Variants in SYN3 observed in about 807,000 individuals in gnomAD.
SYN3 encodes the protein synapsin III, also known as synapsin-3.
SYN3 carries 35 observed loss-of-function variants against 65.8 expected under a neutral mutation model. The ratio of observed to expected loss-of-function variants is 0.53; its 90% confidence interval spans 0.41 to 0.70. The LOEUF (loss-of-function observed/expected upper bound fraction) is 0.70. SYN3 is among the 30% of genes least tolerant of loss of function. The probability of loss-of-function intolerance (pLI) is 0.00; values close to 1 mark genes in which losing one functional copy is unlikely to be tolerated. For missense variants in SYN3, 680 were observed against 749.0 expected (o/e 0.91, Z 1.08); for synonymous variants, 270 against 292.9 (o/e 0.92, Z 0.80).
intron 4 of SYN3, among the ~76,000 whole-genome samples, chr22:32,899,654 C>G (rs891413314): frequency 6.6e-6 from 1 of 152,178 alleles, no homozygotes; most frequent in Non-Finnish European, 1.5e-5. Context: ...CTTGGAAACA[C>G]CACATATAAT....
intron 6 of SYN3, among the ~76,000 whole-genome samples, chr22:32,765,236 G>A (rs1249938087): frequency 2.6e-5 from 4 of 152,126 alleles, no homozygotes; most frequent in Non-Finnish European, 5.9e-5. Context: ...CTGGAATGTC[G>A]GGGTCTTCAA....
At chr22:32,527,858 T>G (rs1443530935) in intron 12 of SYN3, 60 bp downstream of exon 12, 4 of 1,413,584 alleles carry the variant, frequency 2.8e-6, no homozygotes, top group Non-Finnish European at 3.9e-6. Flanking sequence ...TGTGGATCCC[T>G]CGGTGCATTT....
At chr22:32,640,926 A>G (rs1166988431) in intron 6 of SYN3, among the ~76,000 whole-genome samples, 2 of 152,178 alleles carry the variant, frequency 1.3e-5, no homozygotes, top group Non-Finnish European at 2.9e-5. Context: ...TGATTTAGAA[A>G]CAGAGTCACA....
chr22:32,657,667 C>T (rs1163852359), intron 6 of SYN3, among the ~76,000 whole-genome samples: 1 of 152,308 alleles, frequency 6.6e-6, no homozygotes, highest in South Asian at 2.1e-4. Flanking sequence ...AGACTGTGCT[C>T]TCCGGAGCCT....
intron 6 of SYN3, among the ~76,000 whole-genome samples, chr22:32,673,816 T>A (rs1010890151): frequency 6.6e-6 from 1 of 152,146 alleles, no homozygotes; most frequent in African/African-American, 2.4e-5. Context: ...TTTCCCCAAA[T>A]GAGGTGATGC....
At chr22:32,618,331 C>T (rs1478135500) in intron 6 of SYN3, among the ~76,000 whole-genome samples, 5 of 152,024 alleles carry the variant, frequency 3.3e-5, no homozygotes, top group East Asian at 1.9e-4. Flanking sequence ...CCTCCCAGCA[C>T]GAGAGCTTCC....
intron 3 of SYN3, among the ~76,000 whole-genome samples, chr22:32,937,200 A>G (rs1429301684): frequency 6.6e-6 from 1 of 152,210 alleles, no homozygotes; most frequent in Non-Finnish European, 1.5e-5. Flanking sequence ...TGGAAGTTAA[A>G]ACAACTGTTA....
At chr22:32,735,616 G>A (rs970279178) in intron 6 of SYN3, among the ~76,000 whole-genome samples, 8 of 152,012 alleles carry the variant, frequency 5.3e-5, no homozygotes, top group African/African-American at 1.9e-4. Flanking sequence ...TATCTAGAAG[G>A]GGATCTGTCT....
chr22:32,962,414 G>A (rs1003085538), intron 3 of SYN3, among the ~76,000 whole-genome samples: 7 of 152,122 alleles, frequency 4.6e-5, no homozygotes, highest in South Asian at 2.1e-4. Context: ...GATTACAGGC[G>A]TGAGCCACTA....
chr22:32,597,509 C>T (rs370920333), intron 6 of SYN3, among the ~76,000 whole-genome samples: 28 of 152,100 alleles, frequency 1.8e-4, no homozygotes, highest in African/African-American at 6.5e-4. Flanking sequence ...AGCCACCGCG[C>T]CTGGCCCATT....
chr22:32,898,367 T>C (rs1036659718), intron 4 of SYN3, among the ~76,000 whole-genome samples: 3 of 152,152 alleles, frequency 2.0e-5, no homozygotes, highest in African/African-American at 7.2e-5. Context: ...CTTTAACGTA[T>C]CTGAACCCCA....
intron 1 of SYN3, among the ~76,000 whole-genome samples, chr22:33,007,556 G>A (rs1022087764): frequency 2.0e-5 from 3 of 152,102 alleles, no homozygotes; most frequent in South Asian, 2.1e-4. Flanking sequence ...TGTGGCCCAC[G>A]CGATGGAAGT....
chr22:32,746,673 CATGTGTT>C (rs1255153727), intron 6 of SYN3, among the ~76,000 whole-genome samples: 5 of 152,176 alleles, frequency 3.3e-5, no homozygotes, highest in Non-Finnish European at 2.9e-5. Context: ...GCTACCCTAA[CATGTGTT>C]ATGGTTGTCT....
intron 7 of SYN3, among the ~76,000 whole-genome samples, chr22:32,556,191 C>T (rs1420481837): frequency 6.6e-6 from 1 of 152,142 alleles, no homozygotes; most frequent in Non-Finnish European, 1.5e-5. Flanking sequence ...GTGTTTACAT[C>T]CTAACAATTT....
chr22:32,982,944 T>A (rs562740970), intron 2 of SYN3, among the ~76,000 whole-genome samples: 75 of 152,324 alleles, frequency 4.9e-4, no homozygotes, highest in African/African-American at 1.7e-3. Flanking sequence ...CCTAAGGGAT[T>A]TGAACCCAGG....
At chr22:32,819,868 C>A (rs1161246965) in intron 6 of SYN3, among the ~76,000 whole-genome samples, 2 of 152,142 alleles carry the variant, frequency 1.3e-5, no homozygotes, top group African/African-American at 4.8e-5. Context: ...TCCTGGGAGC[C>A]CACTCACTGC....
intron 6 of SYN3, among the ~76,000 whole-genome samples, chr22:32,805,911 G>A (rs2046721566): frequency 6.6e-6 from 1 of 151,744 alleles, no homozygotes; most frequent in South Asian, 2.1e-4. Context: ...AATGGCCAGA[G>A]GTTTTAATTA....
intron 2 of SYN3, among the ~76,000 whole-genome samples, chr22:32,985,325 C>T (rs2052491893): frequency 6.6e-6 from 1 of 152,092 alleles, no homozygotes; most frequent in Admixed American, 6.5e-5. Context: ...GTGCTGGGGA[C>T]CCACAAATAA....
At chr22:32,611,348 C>T (rs2059442976) in intron 6 of SYN3, among the ~76,000 whole-genome samples, 1 of 132,954 alleles carries the variant, frequency 7.5e-6, no homozygotes, top group Non-Finnish European at 1.5e-5. Context: ...GGCTGGAGTG[C>T]AATGGCACCA....
Sources: gnomAD v4.1 joint callset for allele counts (sites outside exome capture counted in the v4.1 genomes callset) on GRCh38, gnomAD v4.1.1 for gene constraint, MANE v1.5 for transcripts, NCBI Gene and HGNC (gene_info 2026-07-23, HGNC 2026-07-21) for gene names.